TNNI3K: variants seen among roughly 807,000 people sequenced by gnomAD.
TNNI3K encodes serine/threonine-protein kinase TNNI3K.
In TNNI3K, 140 loss-of-function variants were observed where a neutral mutation model predicts 114.5. The ratio of observed to expected loss-of-function variants is 1.22; its 90% confidence interval spans 1.07 to 1.41. The LOEUF is 1.41. Among genes scored for constraint, TNNI3K ranks in the 40% most tolerant of loss-of-function variants. The probability of loss-of-function intolerance (pLI) is 0.00; values close to 1 mark genes in which losing one functional copy is unlikely to be tolerated. For missense variants in TNNI3K, 1,125 were observed against 1,007.6 expected (o/e 1.12, Z -1.58); for synonymous variants, 347 against 347.5 (o/e 1.00, Z 0.02).
chr1:74,414,888 C>T (rs772241288), intron 17 of TNNI3K, among the ~76,000 whole-genome samples: 3 of 152,124 alleles, frequency 2.0e-5, no homozygotes, highest in African/African-American at 4.8e-5. Flanking sequence ...ACCCTTTGTC[C>T]TAACCTCAAA....
chr1:74,504,781 G>C (rs1218044734), intron 23 of TNNI3K, among the ~76,000 whole-genome samples: 1 of 152,072 alleles, frequency 6.6e-6, no homozygotes, highest in Non-Finnish European at 1.5e-5. Flanking sequence ...TTCTGATGCT[G>C]TAATTTCGTG....
At position 74,454,395 on chromosome 1, in the gene TNNI3K, T is replaced by C. The variant is rs148023360; in HGVS notation, c.2012-9046T>C. On this transcript the variant is annotated intron_variant, in intron 20 of 24. Coordinates refer to ENST00000326637, the MANE Select transcript of TNNI3K (RefSeq NM_015978.3). ...CCCCACTACCCTTCCCAGCCTCTGG[T>C]AACTATCATTCTACTTTCTATCTCC... Among the ~76,000 whole-genome samples the C allele has an allele frequency of 6.5e-3, 991 of 152,276 alleles. 12 individuals carry two copies. Among genetic ancestry groups the C allele is most frequent in the African/African-American group, 0.023 (937 of 41,552 alleles).
rs538069614 is a variant in TNNI3K at position 74,321,970 on chromosome 1, T to C, written c.445-9480T>C. Reference sequence around the variant, plus strand: ...TGTAATGGTTGTCAAGGAGTGGAGATTATATAAATATATAAATTAAAAATA... The same window carrying C: ...TGTAATGGTTGTCAAGGAGTGGAGACTATATAAATATATAAATTAAAAATA... On this transcript the variant is annotated intron_variant, in intron 5 of 24. Transcript: ENST00000326637. Among the ~76,000 whole-genome samples the C allele has an allele frequency of 2.6e-5, 4 of 152,114 alleles. No homozygotes were observed. The East Asian group carries it at 7.7e-4, about 29-fold the overall frequency.
At chr1:74,416,300 A>G (rs1665111926) in intron 17 of TNNI3K, 1 of 985,300 alleles carries the variant, frequency 1.0e-6, no homozygotes, top group Admixed American at 6.2e-5. Flanking sequence ...CTTGTATGTC[A>G]TTGTAGGCAC....
chr1:74,311,510 A>C (rs567146876), intron 5 of TNNI3K, among the ~76,000 whole-genome samples: 1 of 152,356 alleles, frequency 6.6e-6, no homozygotes, highest in Admixed American at 6.5e-5. Flanking sequence ...AGCTTAAAAT[A>C]TATTAACACA....
At chr1:74,361,196 A>G (rs184962873) in intron 11 of TNNI3K, among the ~76,000 whole-genome samples, 1 of 152,074 alleles carries the variant, frequency 6.6e-6, no homozygotes, top group Non-Finnish European at 1.5e-5. Flanking sequence ...TCCTCTTTCC[A>G]TGCATTGGAA....
chr1:74,366,156 AGATCCTT>A (rs1662260287), intron 11 of TNNI3K, among the ~76,000 whole-genome samples: 1 of 152,030 alleles, frequency 6.6e-6, no homozygotes, highest in Admixed American at 6.6e-5. Flanking sequence ...TGTTAACTAC[AGATCCTT>A]TGTGATGGAT....
chr1:74,492,371 A>G (rs572251309), intron 23 of TNNI3K, 105 bp downstream of exon 23: 11 of 1,304,606 alleles, frequency 8.4e-6, no homozygotes, highest in African/African-American at 1.5e-5. Flanking sequence ...TTACCCCCTG[A>G]AAAACTTTGA....
intron 20 of TNNI3K, among the ~76,000 whole-genome samples, chr1:74,450,723 C>T (rs1014241437): frequency 1.6e-4 from 24 of 152,106 alleles, no homozygotes; most frequent in Non-Finnish European, 2.9e-4. Flanking sequence ...GTCAGAATGG[C>T]GATTATTAAT....
intron 5 of TNNI3K, among the ~76,000 whole-genome samples, chr1:74,317,583 A>G (rs1659383188): frequency 5.3e-5 from 8 of 152,348 alleles, no homozygotes. Context: ...GAGTTAGGGA[A>G]TATGGTGGAA....
At chr1:74,375,506 G>C (rs1569093) in intron 17 of TNNI3K, 31,019 of 450,138 alleles carry the variant, frequency 0.069, 1,685 homozygotes, top group African/African-American at 0.2. Context: ...TCCCCAGATT[G>C]CTTCTGGGGA....
intron 5 of TNNI3K, among the ~76,000 whole-genome samples, chr1:74,319,302 A>G (rs903625140): frequency 6.6e-6 from 1 of 152,198 alleles, no homozygotes; most frequent in African/African-American, 2.4e-5. Context: ...AGAGGTCAAG[A>G]GAGTATAAGA....
chr1:74,422,280 T>A (rs184457985), intron 17 of TNNI3K, among the ~76,000 whole-genome samples: 1,747 of 152,176 alleles, frequency 0.011, 16 homozygotes, highest in Non-Finnish European at 0.019. Flanking sequence ...TTGATTTTTT[T>A]ATTTATATCC....
chr1:74,419,013 A>G (rs535924808), intron 17 of TNNI3K, among the ~76,000 whole-genome samples: 2 of 152,200 alleles, frequency 1.3e-5, no homozygotes, highest in East Asian at 3.9e-4. Context: ...TAACCAGTCC[A>G]TCTATATTAG....
At position 74,436,070 on chromosome 1, in the gene TNNI3K, T is replaced by C. The variant is rs1188675932; in HGVS notation, c.1773-10T>C. The C allele has an allele frequency of 1.9e-6, 3 of 1,587,818 alleles. No individual in the cohort carries two copies. Among genetic ancestry groups the C allele is most frequent in the Non-Finnish European group, 2.6e-6 (3 of 1,171,822 alleles). ...TCAATGTCTACTTTTTTTTTTTTTTTTTTTTACAGTCACAATATTCTTCTC... is the reference window on the plus strand; with the variant it reads ...TCAATGTCTACTTTTTTTTTTTTTTCTTTTTACAGTCACAATATTCTTCTC... On this transcript the variant is annotated splice_polypyrimidine_tract_variant and intron_variant, in intron 17 of 24. Coordinates refer to ENST00000326637, the MANE Select transcript of TNNI3K (RefSeq NM_015978.3).
At chr1:74,350,685 T>G (rs928899710) in intron 9 of TNNI3K, among the ~76,000 whole-genome samples, 1 of 152,102 alleles carries the variant, frequency 6.6e-6, no homozygotes, top group Admixed American at 6.6e-5. Flanking sequence ...GATAGTTAGT[T>G]CTTCTTGTTG....
chr1:74,442,615 G>C (rs1342334486), intron 20 of TNNI3K, among the ~76,000 whole-genome samples: 4 of 151,856 alleles, frequency 2.6e-5, no homozygotes. Flanking sequence ...CTTCACTTAG[G>C]TCTTCTTAAA....
At chr1:74,258,540 G>A (rs1295687908) in intron 4 of TNNI3K, among the ~76,000 whole-genome samples, 8 of 152,194 alleles carry the variant, frequency 5.3e-5, no homozygotes, top group Admixed American at 3.3e-4. Context: ...GATTTTATTT[G>A]CCAGTAGAGA....
At chr1:74,475,215 T>C (rs1570669495) in intron 21 of TNNI3K, 1 of 607,208 alleles carries the variant, frequency 1.6e-6, no homozygotes, top group East Asian at 2.8e-5. Context: ...TATTTCCTGT[T>C]GAGGAAATTA....
Sources: allele counts gnomAD v4.1 joint callset (sites outside exome capture counted in the v4.1 genomes callset), GRCh38; gene constraint gnomAD v4.1.1; transcripts MANE v1.5; gene names NCBI Gene and HGNC (gene_info 2026-07-23, HGNC 2026-07-21).